The following TARS1 variants were observed in gnomAD, a reference collection of about 807,000 sequenced individuals.
The protein encoded by TARS1 is threonyl-tRNA synthetase 1.
A neutral mutation model predicts 97.7 loss-of-function variants in TARS1; 57 were observed. That is an observed-to-expected ratio of 0.58 (90% CI 0.47 to 0.73). The LOEUF is 0.73. Ranked by LOEUF, TARS1 falls within the 30% of genes least tolerant of loss-of-function variation. The pLI, the probability that TARS1 is intolerant of heterozygous loss-of-function variation, is 0.00. For missense variants in TARS1, 806 were observed against 888.3 expected (o/e 0.91, Z 1.18); for synonymous variants, 312 against 293.7 (o/e 1.06, Z -0.64).
intron 3 of TARS1, among the ~76,000 whole-genome samples, chr5:33,450,462 A>G (rs1001733380): frequency 3.9e-5 from 6 of 152,212 alleles, no homozygotes; most frequent in African/African-American, 1.4e-4. Flanking sequence ...TACTTTTTAC[A>G]AAGTGAATGG....
At chr5:33,460,071 C>A in intron 11 of TARS1, 1 of 458,530 alleles carries the variant, frequency 2.2e-6, no homozygotes, top group Non-Finnish European at 3.8e-6. Flanking sequence ...AACTGGAGTG[C>A]AGGTATGCGA....
In TARS1 at chr5:33,459,985, C is replaced by T. The variant is rs181816810; in HGVS notation, c.1250+124C>T. The T allele has an allele frequency of 3.1e-5, 33 of 1,060,006 alleles. No homozygotes were observed. In the African/African-American group the frequency reaches 4.5e-4, roughly 14 times the overall value. 65.7% of individuals were successfully genotyped at this position (1,060,006 alleles called of 1,614,324 possible). ...ATGTGATCAGAAGAGCATTTAAACG[C>T]AACATCTTTGTATTATATCTTCTGC... is the stretch of plus-strand genomic sequence containing the variant. On this transcript the variant is annotated intron_variant, in intron 11 of 18. Transcript: ENST00000265112.
chr5:33,441,456 A>C, intron 1 of TARS1: 1 of 317,632 alleles, frequency 3.1e-6, no homozygotes, highest in Non-Finnish European at 5.9e-6. Context: ...TCAGAATCTT[A>C]GGCTTGAGGC....
At chr5:33,448,770 G>A in intron 3 of TARS1, 39 bp downstream of exon 3, 1 of 1,438,902 alleles carries the variant, frequency 6.9e-7, no homozygotes, top group Non-Finnish European at 9.3e-7. Flanking sequence ...ATAGTTTGTG[G>A]TCTAACTAAA....
chr5:33,452,568 ATGT>A, intron 3 of TARS1: 2 of 681,496 alleles, frequency 2.9e-6, no homozygotes, highest in East Asian at 5.5e-5. Context: ...TTTATGTTCG[ATGT>A]TGTATATTGG....
chr5:33,441,212 CGGGAGCGGG>C, intron 1 of TARS1, 69 bp downstream of exon 1: 1 of 1,588,062 alleles, frequency 6.3e-7, no homozygotes, highest in South Asian at 1.1e-5. Context: ...ACGCTCGCGG[CGGGAGCGGG>C]GGGCAGGAAG....
rs1742631324 is a variant in TARS1, at chr5:33,468,061, G to A, written c.*353G>A. The A allele has an allele frequency of 5.6e-6, 1 of 179,680 alleles. No individual in the cohort carries two copies. The highest frequency in any genetic ancestry group is 2.4e-5 in the African/African-American group (1 of 42,136). 11.1% of individuals were successfully genotyped at this position (179,680 alleles called of 1,614,324 possible). On this transcript the variant is annotated 3_prime_UTR_variant, in exon 19 of 19. Transcript: ENST00000265112. ...AAGATAACTAGAATTGGATTATGGT[G>A]TAAAAATAAAAAAAAAATTTATTCA...
chr5:33,447,037 TGA>T (rs1220779950), intron 2 of TARS1, among the ~76,000 whole-genome samples: 6 of 152,132 alleles, frequency 3.9e-5, no homozygotes, highest in Non-Finnish European at 7.4e-5. Flanking sequence ...CACTTGAGAC[TGA>T]GTGGGAGAAT....
intron 2 of TARS1, 22 bp from the exon 3 acceptor site, chr5:33,448,519 T>C (rs766605591): frequency 6.6e-7 from 1 of 1,525,848 alleles, no homozygotes; most frequent in East Asian, 2.4e-5. Flanking sequence ...ATTTATTTCC[T>C]GATTTGTTTG....
intron 11 of TARS1, among the ~76,000 whole-genome samples, chr5:33,460,596 A>T (rs1742243599): frequency 2.0e-5 from 3 of 152,210 alleles, no homozygotes; most frequent in Admixed American, 2.0e-4. Flanking sequence ...GTGAGAGAAG[A>T]ATCTTTGTGA....
intron 3 of TARS1, chr5:33,452,538 A>G (rs73074385): frequency 0.16 from 134,861 of 840,882 alleles, 12,807 homozygotes; most frequent in African/African-American, 0.33. Flanking sequence ...GTGCTCTGAT[A>G]TTTCATCACT....
intron 1 of TARS1, among the ~76,000 whole-genome samples, chr5:33,443,882 A>G (rs1309650027): frequency 6.6e-6 from 1 of 152,166 alleles, no homozygotes; most frequent in Non-Finnish European, 1.5e-5. Context: ...ATGAACCTTT[A>G]AAGTTTATTA....
At chr5:33,451,730 A>G (rs1188608878) in intron 3 of TARS1, among the ~76,000 whole-genome samples, 2 of 151,998 alleles carry the variant, frequency 1.3e-5, no homozygotes, top group Non-Finnish European at 2.9e-5. Context: ...GAAATGATCC[A>G]GTATGGCCCA....
chr5:33,443,659 A>AT lies in TARS1; in HGVS notation c.58-1657dup, dbSNP rs1375239065. On this transcript the variant is annotated intron_variant, in intron 1 of 18. Transcript: ENST00000265112. ...AGGCACCCGCCACCACGCCCGGCTA[A>AT]TTTTTTTTGTATTTTTTAGTAGAGA... 4.0e-4 allele frequency among the ~76,000 whole-genome samples: 60 copies of AT among 151,142 alleles called. 1 individual carries two copies. Among genetic ancestry groups the AT allele is most frequent in the Middle Eastern group, 3.4e-3 (1 of 292 alleles).
intron 4 of TARS1, among the ~76,000 whole-genome samples, chr5:33,454,453 G>A (rs778335835): frequency 8.5e-5 from 13 of 152,134 alleles, no homozygotes; most frequent in Admixed American, 2.0e-4. Flanking sequence ...GTTTGTCCTC[G>A]TGTTTTGTCA....
chr5:33,442,320 C>CTTTTTTTTTTTT (rs763508345), intron 1 of TARS1, among the ~76,000 whole-genome samples: 5 of 104,598 alleles, frequency 4.8e-5, no homozygotes, highest in Non-Finnish European at 7.5e-5. Context: ...TGTTTTGTAA[C>CTTTTTTTTTTTT]TTTTTTTTTT....
intron 3 of TARS1, among the ~76,000 whole-genome samples, chr5:33,449,121 A>G (rs1428452472): frequency 2.0e-5 from 3 of 152,138 alleles, no homozygotes; most frequent in African/African-American, 7.2e-5. Flanking sequence ...CATGAAAAAA[A>G]TGTACTATTT....
intron 3 of TARS1, chr5:33,452,387 G>C: frequency 1.3e-6 from 2 of 1,535,286 alleles, no homozygotes; most frequent in Non-Finnish European, 1.7e-6. Context: ...ATCTCTGCTT[G>C]CATCTGTGGC....
chr5:33,451,396 G>A (rs1452155973), intron 3 of TARS1, among the ~76,000 whole-genome samples: 1 of 149,666 alleles, frequency 6.7e-6, no homozygotes, highest in Non-Finnish European at 1.5e-5. Context: ...TTTTGAGACG[G>A]AGGAGTCTCG....
Sources: gnomAD v4.1 joint callset for allele counts (sites outside exome capture counted in the v4.1 genomes callset) on GRCh38, gnomAD v4.1.1 for gene constraint, MANE v1.5 for transcripts, NCBI Gene and HGNC (gene_info 2026-07-23, HGNC 2026-07-21) for gene names.